The following TP63 variants were observed in gnomAD, a reference collection of about 807,000 sequenced individuals.
The protein encoded by TP63 is tumor protein p63.
Under a neutral mutation model 82.8 loss-of-function variants are expected in TP63, and 17 were observed. That is an observed-to-expected ratio of 0.21 (90% confidence interval 0.14 to 0.31). TP63 has a LOEUF of 0.31. Among genes scored for constraint, TP63 ranks in the 10% least tolerant of loss-of-function variants. TP63 has a pLI of 1.00. For synonymous variants in TP63, 330 were observed against 321.7 expected (o/e 1.03, Z -0.28); for missense variants, 648 against 895.3 (o/e 0.72, Z 3.52).
intron 4 of TP63, among the ~76,000 whole-genome samples, chr3:189,831,005 C>T (rs1261546849): frequency 1.3e-5 from 2 of 152,140 alleles, no homozygotes; most frequent in East Asian, 3.8e-4. Flanking sequence ...GTTCCTCTAC[C>T]AGCTTTTGCT....
chr3:189,791,870 A>G (rs1725175526), intron 3 of TP63, among the ~76,000 whole-genome samples: 2 of 152,124 alleles, frequency 1.3e-5, no homozygotes, highest in Admixed American at 1.3e-4. Flanking sequence ...ATTTAATATA[A>G]AAGTTATAAT....
chr3:189,801,330 T>C (rs931112382), intron 3 of TP63, among the ~76,000 whole-genome samples: 4 of 152,128 alleles, frequency 2.6e-5, no homozygotes, highest in Non-Finnish European at 5.9e-5. Context: ...AAACTGAAAT[T>C]CTGAATATTT....
intron 3 of TP63, among the ~76,000 whole-genome samples, chr3:189,763,394 T>G (rs1311541046): frequency 6.6e-6 from 1 of 152,218 alleles, no homozygotes; most frequent in East Asian, 1.9e-4. Context: ...CGCAGCTCAG[T>G]GGTCCTACAT....
chr3:189,765,433 C>CTTTTTGTTTTTTTTTTTTTTTT (rs1722871964), intron 3 of TP63, among the ~76,000 whole-genome samples: 1 of 30,088 alleles, frequency 3.3e-5, no homozygotes, highest in African/African-American at 1.2e-4. Flanking sequence ...CTGTCCTCTG[C>CTTTTTGTTTTTTTTTTTTTTTT]TTTTTTTTTT....
At chr3:189,845,770 G>A (rs1204653481) in intron 4 of TP63, among the ~76,000 whole-genome samples, 1 of 149,738 alleles carries the variant, frequency 6.7e-6, no homozygotes, top group East Asian at 1.9e-4. Flanking sequence ...GTAGGTTATA[G>A]AATTAATGAT....
chr3:189,644,302 T>G (rs1467935225), intron 1 of TP63, among the ~76,000 whole-genome samples: 1 of 150,956 alleles, frequency 6.6e-6, no homozygotes, highest in Non-Finnish European at 1.5e-5. Flanking sequence ...ACCCCCAGCT[T>G]GCACCAAGCC....
intron 4 of TP63, among the ~76,000 whole-genome samples, chr3:189,828,141 C>A (rs1009782783): frequency 4.6e-5 from 7 of 151,342 alleles, no homozygotes; most frequent in African/African-American, 1.7e-4. Flanking sequence ...CTCGGGAAGC[C>A]GAGGCAGGAT....
At chr3:189,640,065 T>A (rs1486781379) in intron 1 of TP63, among the ~76,000 whole-genome samples, 2 of 152,106 alleles carry the variant, frequency 1.3e-5, no homozygotes, top group African/African-American at 4.8e-5. Flanking sequence ...GAAACTTCTG[T>A]CTTTGCACTT....
intron 1 of TP63, among the ~76,000 whole-genome samples, chr3:189,721,394 T>G (rs1238875968): frequency 6.6e-6 from 1 of 151,978 alleles, no homozygotes; most frequent in African/African-American, 2.4e-5. Flanking sequence ...AAATGAAAAC[T>G]AGAGAGAGAA....
rs188819554 is a variant in TP63 at position 189,663,210 on chromosome 3, C to T, written c.62+31633C>T. ...ACAAATATCAGTAAGTATCAAAATA[C>T]TTTTACGACATTGAGTTCTGTACAA... On this transcript the variant is annotated intron_variant, in intron 1 of 13. Transcript: ENST00000264731. Among the ~76,000 whole-genome samples the T allele has an allele frequency of 2.6e-5, 4 of 152,124 alleles. No individual in the cohort carries two copies. In the East Asian group the frequency reaches 7.7e-4, roughly 29 times the overall value.
chr3:189,669,811 TAAAAC>T (rs1714737253), intron 1 of TP63, among the ~76,000 whole-genome samples: 1 of 151,498 alleles, frequency 6.6e-6, no homozygotes, highest in Non-Finnish European at 1.5e-5. Flanking sequence ...AGAAATAAAA[TAAAAC>T]AAAAGTATAT....
At chr3:189,653,670 C>T (rs1881993) in intron 1 of TP63, among the ~76,000 whole-genome samples, 66,910 of 152,026 alleles carry the variant, frequency 0.44, 16,115 homozygotes, top group Middle Eastern at 0.69. Context: ...TAATTTTCCT[C>T]ATGTGTCAGT....
At chr3:189,638,877 T>C (rs1560076527) in intron 1 of TP63, among the ~76,000 whole-genome samples, 1 of 152,136 alleles carries the variant, frequency 6.6e-6, no homozygotes, top group Non-Finnish European at 1.5e-5. Context: ...GCACACCCAG[T>C]TTTGAAAATC....
rs768319493 is a variant in TP63 at position 189,808,340 on chromosome 3, C to T, written c.393C>T (p.Thr131=). Residue 131 remains threonine, a synonymous_variant, in exon 4 of 14, where the codon ACC becomes ACT. Coordinates refer to ENST00000264731, the MANE Select transcript of TP63 (RefSeq NM_003722.5). ...DQQIQNGSSS[T]SPYNTDHAQN... ...AGATTCAGAACGGCTCCTCGTCCAC[C>T]AGTCCCTATAACACAGACCACGCGC... 3 of 1,614,106 alleles carry T rather than the reference C, an allele frequency of 1.9e-6. No individual in the cohort carries two copies. The African/African-American group carries it at 4.0e-5, about 22-fold the overall frequency.
At chr3:189,873,072 GAGCAATGTGGAACATAATGGGAGAT>G in intron 10 of TP63, 77 bp downstream of exon 10, 1 of 1,601,858 alleles carries the variant, frequency 6.2e-7, no homozygotes, top group South Asian at 1.1e-5. Context: ...GGTGATTGAT[GAGCAATGTGGAACATAATGGGAGAT>G]AGCAGATTGT....
chr3:189,739,864 G>T (rs1201701799), intron 3 of TP63, among the ~76,000 whole-genome samples: 2 of 151,510 alleles, frequency 1.3e-5, no homozygotes, highest in African/African-American at 2.4e-5. Context: ...GAAAACTAGT[G>T]GGGGGAAGCT....
At chr3:189,760,558 G>C (rs1560163914) in intron 3 of TP63, among the ~76,000 whole-genome samples, 1 of 152,232 alleles carries the variant, frequency 6.6e-6, no homozygotes, top group Non-Finnish European at 1.5e-5. Context: ...CTCTGCCTCT[G>C]TGGTTTTGCA....
Position 189,889,905 on chromosome 3 carries a change from T to C in TP63, c.1652+421T>C, listed in dbSNP as rs890983711. Among the ~76,000 whole-genome samples, 6 of 152,026 alleles carry C rather than the reference T, an allele frequency of 3.9e-5. 1 individual carries two copies. Among genetic ancestry groups the C allele is most frequent in the African/African-American group, 1.4e-4 (6 of 41,388 alleles). The stretch of plus-strand genomic sequence containing the variant: ...CCACCATGGGACCATTATTTTGGAG[T>C]TGGATGTCCATAAAAAGTTTTAATG... On this transcript the variant is annotated intron_variant, in intron 12 of 13. Transcript: ENST00000264731.
At chr3:189,621,538 C>T in the TP63 span, among the ~76,000 whole-genome samples, 5 of 151,584 alleles carry the variant, frequency 3.3e-5, no homozygotes, top group African/African-American at 4.8e-5. Context: ...GAAATATACA[C>T]ATATGAATAT....
Sources: allele counts gnomAD v4.1 joint callset (sites outside exome capture counted in the v4.1 genomes callset), GRCh38; gene constraint gnomAD v4.1.1; transcripts MANE v1.5; gene names NCBI Gene and HGNC (gene_info 2026-07-23, HGNC 2026-07-21).